The following SLC12A1 variants were observed in gnomAD, a reference collection of about 807,000 sequenced individuals.
The protein encoded by SLC12A1 is Na-K-2Cl cotransporter.
In SLC12A1, 89 loss-of-function variants were observed where a neutral mutation model predicts 130.4. That is an observed-to-expected ratio of 0.68 (90% CI 0.58 to 0.81). The LOEUF is 0.81. SLC12A1 is among the 40% of genes least tolerant of loss of function. The pLI is 0.00. For missense variants in SLC12A1, 1,310 were observed against 1,336.4 expected (o/e 0.98, Z 0.31); for synonymous variants, 499 against 460.0 (o/e 1.08, Z -1.09).
At chr15:48,231,382 G>A (rs1174248407) in intron 7 of SLC12A1, among the ~76,000 whole-genome samples, 3 of 152,190 alleles carry the variant, frequency 2.0e-5, no homozygotes, top group Admixed American at 2.0e-4. Context: ...GTGAAAATTA[G>A]TATCAACAGG....
At chr15:48,215,097 C>T (rs1340994326) in intron 2 of SLC12A1, among the ~76,000 whole-genome samples, 2 of 151,698 alleles carry the variant, frequency 1.3e-5, no homozygotes, top group African/African-American at 4.8e-5. Flanking sequence ...ATGTAAGTAA[C>T]AAATAGTATC....
chr15:48,254,238 A>C (rs1310804673), intron 15 of SLC12A1, among the ~76,000 whole-genome samples: 1 of 152,012 alleles, frequency 6.6e-6, no homozygotes, highest in East Asian at 1.9e-4. Context: ...TAGAAGTTTT[A>C]ATGCTTTGGA....
Position 48,289,417 on chromosome 15 carries a change from ATATATATATATAAT to A in SLC12A1, c.2873+902_2873+915del, listed in dbSNP as rs974120298. Among the ~76,000 whole-genome samples, 20 of 134,902 alleles carry A rather than the reference ATATATATATATAAT, an allele frequency of 1.5e-4. No homozygotes were observed. The South Asian group carries it at 2.1e-3, about 14-fold the overall frequency. The allele number at this position is 134,902 out of a possible 152,430, so 88.5% of individuals were successfully genotyped here. Reference sequence around the variant, plus strand: ...GACATATATATATATATATATATATATATATATATATAATGTATAACTATGTATAACTGTATAAT... The same window carrying A: ...GACATATATATATATATATATATATAGTATAACTATGTATAACTGTATAAT... On this transcript the variant is annotated intron_variant, in intron 23 of 26. Coordinates refer to ENST00000380993, the MANE Select transcript of SLC12A1 (RefSeq NM_000338.3).
intron 2 of SLC12A1, among the ~76,000 whole-genome samples, chr15:48,209,469 C>T (rs2041025903): frequency 6.6e-6 from 1 of 152,164 alleles, no homozygotes; most frequent in Non-Finnish European, 1.5e-5. Flanking sequence ...GAATAAATAT[C>T]ATTCTTTATA....
chr15:48,239,961 T>C (rs2041484221), intron 9 of SLC12A1, among the ~76,000 whole-genome samples: 1 of 148,908 alleles, frequency 6.7e-6, no homozygotes, highest in Admixed American at 6.7e-5. Context: ...AAAAACTAAG[T>C]TTTTGTGTTT....
chr15:48,284,956 T>C, intron 20 of SLC12A1, 150 bp from the exon 21 acceptor site: 1 of 529,166 alleles, frequency 1.9e-6, no homozygotes, highest in Non-Finnish European at 3.1e-6. Flanking sequence ...TATTAGAAGA[T>C]AATATATAAA....
chr15:48,247,038 G>T (rs775365976), intron 12 of SLC12A1, 22 bp downstream of exon 12: 2 of 1,541,890 alleles, frequency 1.3e-6, no homozygotes, highest in East Asian at 2.2e-5. Flanking sequence ...ACAACAGCTT[G>T]TGCTTCTCCC....
chr15:48,265,237 T>C (rs1433514507), intron 17 of SLC12A1, among the ~76,000 whole-genome samples: 1 of 152,218 alleles, frequency 6.6e-6, no homozygotes, highest in South Asian at 2.1e-4. Flanking sequence ...CTTCTCAATA[T>C]GGCAAGTTTA....
Position 48,258,322 on chromosome 15 carries a change from C to A in SLC12A1, c.2043-878C>A, listed in dbSNP as rs1001840223. Among the ~76,000 whole-genome samples, 3 of 121,318 alleles carry A rather than the reference C, an allele frequency of 2.5e-5. No individual in the cohort carries two copies. The Admixed American group carries it at 2.6e-4, about 10-fold the overall frequency. The allele number at this position is 121,318 out of a possible 152,430, so 79.6% of individuals were successfully genotyped here. ...CTTGCAGTGAGCCGAGATCCCGCCA[C>A]TGCACTCCAGCCTGGGCGACAGAGC... On this transcript the variant is annotated intron_variant, in intron 16 of 26. Transcript: ENST00000380993.
In SLC12A1 at chr15:48,240,534, T is replaced by C. The variant is rs1337157326; in HGVS notation, c.1216-981T>C. 2.0e-5 allele frequency among the ~76,000 whole-genome samples: 3 copies of C among 152,206 alleles called. No individual in the cohort carries two copies. The East Asian group carries it at 5.8e-4, about 29-fold the overall frequency. ...TCAAGTTGAGTCTACATTTTCACTA[T>C]GCATGACCTTTTTGATGGACTTTTT... is the stretch of plus-strand genomic sequence containing the variant. On this transcript the variant is annotated intron_variant, in intron 9 of 26. Coordinates refer to ENST00000380993, the MANE Select transcript of SLC12A1 (RefSeq NM_000338.3).
chr15:48,289,489 TAC>T (rs202205230), intron 23 of SLC12A1, among the ~76,000 whole-genome samples: 11 of 117,226 alleles, frequency 9.4e-5, no homozygotes, highest in Non-Finnish European at 1.3e-4. Context: ...ACAATGTATA[TAC>T]ACACACACAG....
chr15:48,246,714 C>T (rs561132996), intron 11 of SLC12A1, among the ~76,000 whole-genome samples, 195 bp from the exon 12 acceptor site: 6 of 152,192 alleles, frequency 3.9e-5, no homozygotes, highest in East Asian at 1.9e-4. Context: ...CGGGAGGCAG[C>T]GGTTGCAGTG....
chr15:48,220,895 C>G (rs2041204305), intron 3 of SLC12A1, 26 bp from the exon 4 acceptor site: 1 of 1,613,536 alleles, frequency 6.2e-7, no homozygotes, highest in Non-Finnish European at 8.5e-7. Flanking sequence ...TGTCCTGTCT[C>G]CTTTCAATAC....
chr15:48,295,978 A>C (rs2042174300), intron 24 of SLC12A1, among the ~76,000 whole-genome samples: 1 of 152,198 alleles, frequency 6.6e-6, no homozygotes, highest in South Asian at 2.1e-4. Flanking sequence ...GTAATACCTT[A>C]ATTAAGGCAA....
intron 12 of SLC12A1, 115 bp from the exon 13 acceptor site, chr15:48,247,222 G>A (rs2041592994): frequency 1.8e-6 from 2 of 1,090,486 alleles, no homozygotes; most frequent in African/African-American, 1.6e-5. Flanking sequence ...GTGTTAACTT[G>A]TGCCTCATCT....
Position 48,299,070 on chromosome 15 carries a change from C to T in SLC12A1, c.2961-70C>T, listed in dbSNP as rs35405890. 0.21 allele frequency: 288,527 copies of T among 1,346,582 alleles called. 34,397 individuals carry two copies. The highest frequency in any genetic ancestry group is 0.42 in the East Asian group (17,846 of 42,292). The allele number at this position is 1,346,582 out of a possible 1,614,324, so 83.4% of individuals were successfully genotyped here. A position where few individuals can be genotyped will look rare whatever the true frequency, so the allele number is the denominator to read the frequency against. ...ATTCCACAGCCAGCAGAGCCAGTCA[C>T]ACCTGGAGTATCTGTGAAATAATGA... is the stretch of plus-strand genomic sequence containing the variant. On this transcript the variant is annotated intron_variant, in intron 24 of 26. Transcript: ENST00000380993.
intron 11 of SLC12A1, among the ~76,000 whole-genome samples, 182 bp downstream of exon 11, chr15:48,245,086 C>T (rs1028847984): frequency 6.6e-6 from 1 of 152,160 alleles, no homozygotes; most frequent in Admixed American, 6.5e-5. Context: ...CCTATGGTTA[C>T]ATTTCCTGTA....
chr15:48,208,674 A>G (rs548988307), intron 2 of SLC12A1, among the ~76,000 whole-genome samples: 1 of 152,324 alleles, frequency 6.6e-6, no homozygotes, highest in South Asian at 2.1e-4. Flanking sequence ...GTTAGGCAAT[A>G]TGTTGTACCT....
At chr15:48,268,593 C>G (rs1441210304) in intron 18 of SLC12A1, among the ~76,000 whole-genome samples, 1 of 152,124 alleles carries the variant, frequency 6.6e-6, no homozygotes, top group Non-Finnish European at 1.5e-5. Context: ...GTATTTGATG[C>G]AATCCTGTGC....
Sources: gnomAD v4.1 joint callset for allele counts (sites outside exome capture counted in the v4.1 genomes callset) on GRCh38, gnomAD v4.1.1 for gene constraint, MANE v1.5 for transcripts, NCBI Gene and HGNC (gene_info 2026-07-23, HGNC 2026-07-21) for gene names.